Variants in TENM1 observed in about 807,000 individuals in gnomAD.
TENM1 encodes teneurin-1.
Under a neutral mutation model 174.8 loss-of-function variants are expected in TENM1, and 35 were observed. That is an observed-to-expected ratio of 0.20 (90% CI 0.15 to 0.27). TENM1 has a LOEUF of 0.27. TENM1 is among the 10% of genes least tolerant of loss of function. The pLI is 1.00. For missense variants in TENM1, 1,633 were observed against 2,130.1 expected (o/e 0.77, Z 4.59); for synonymous variants, 781 against 798.7 (o/e 0.98, Z 0.37).
At chrX:124,951,076 A>G (rs2058475288) in intron 1 of TENM1, among the ~76,000 whole-genome samples, 2 of 111,760 alleles carry the variant, frequency 1.8e-5, no homozygotes, top group South Asian at 7.4e-4. Context: ...GTACATTTTA[A>G]TCCCACAGTA....
At chrX:124,829,713 G>A (rs1327869378) in intron 3 of TENM1, among the ~76,000 whole-genome samples, 1 of 111,981 alleles carries the variant, frequency 8.9e-6, no homozygotes, top group Non-Finnish European at 1.9e-5. Context: ...TTCAAATGAA[G>A]GACAAAAGAG....
Position 124,562,364 on chromosome X carries a change from A to C in TENM1, c.2288-547T>G, listed in dbSNP as rs190289037. Among the ~76,000 whole-genome samples the C allele has an allele frequency of 2.8e-3, 313 of 112,227 alleles. 2 individuals are homozygous for C. Among genetic ancestry groups the C allele is most frequent in the Non-Finnish European group, 4.7e-3 (250 of 53,236 alleles). On this transcript the variant is annotated intron_variant, in intron 13 of 31. Coordinates refer to ENST00000422452, the Ensembl canonical transcript of TENM1. Reference sequence around the variant, plus strand: ...AATGTGCTGTAGTTGCTTTATATTTATTCAGCTTTTCTCTTCAAGATTATT... The same window carrying C: ...AATGTGCTGTAGTTGCTTTATATTTCTTCAGCTTTTCTCTTCAAGATTATT...
At position 124,620,147 on chromosome X, in the gene TENM1, T is replaced by G. The variant is rs181185709; in HGVS notation, c.2077+21644A>C. 6.2e-5 allele frequency among the ~76,000 whole-genome samples: 7 copies of G among 112,387 alleles called. No individual in the cohort carries two copies. The East Asian group carries it at 1.9e-3, about 31-fold the overall frequency. The stretch of plus-strand genomic sequence containing the variant: ...ATTTCTCTGTATATTACTTACTTCT[T>G]TTCTATTCTTTAAAGAATGGGAGAA... On this transcript the variant is annotated intron_variant, in intron 11 of 31. Transcript: ENST00000422452.
At chrX:124,527,641 T>G (rs2048004173) in intron 16 of TENM1, among the ~76,000 whole-genome samples, 1 of 107,150 alleles carries the variant, frequency 9.3e-6, no homozygotes, top group African/African-American at 3.5e-5. Context: ...AGGTATATTT[T>G]TCTTTTTTCT....
intron 10 of TENM1, among the ~76,000 whole-genome samples, chrX:124,644,769 T>C (rs1449221126): frequency 2.7e-5 from 3 of 111,602 alleles, no homozygotes; most frequent in Non-Finnish European, 5.6e-5. Flanking sequence ...GCATATATTA[T>C]TATTTTTATT....
At chrX:124,840,278 A>G (rs1350612236) in intron 3 of TENM1, among the ~76,000 whole-genome samples, 1 of 111,580 alleles carries the variant, frequency 9.0e-6, no homozygotes, top group Non-Finnish European at 1.9e-5. Flanking sequence ...CATCAACTAA[A>G]GTCTCTTGGG....
chrX:124,967,201 G>T (rs780111564), upstream of TENM1, among the ~76,000 whole-genome samples: 17 of 110,848 alleles, frequency 1.5e-4, no homozygotes, highest in South Asian at 6.7e-3. Context: ...TTCTTCTTAG[G>T]TTTCCATAAC....
intron 1 of TENM1, among the ~76,000 whole-genome samples, chrX:124,931,213 C>T (rs1445364236): frequency 1.8e-5 from 2 of 108,442 alleles, no homozygotes; most frequent in Non-Finnish European, 3.8e-5. Flanking sequence ...CAGAATCCAT[C>T]TGAAGATGCA....
At chrX:124,521,713 C>G (rs761761188) in intron 17 of TENM1, among the ~76,000 whole-genome samples, 123 of 112,228 alleles carry the variant, frequency 1.1e-3, no homozygotes, top group African/African-American at 3.8e-3. Flanking sequence ...ACATGAATAG[C>G]GTAGATATTT....
At chrX:124,774,099 T>C (rs2054724701) in intron 3 of TENM1, among the ~76,000 whole-genome samples, 1 of 112,196 alleles carries the variant, frequency 8.9e-6, no homozygotes, top group African/African-American at 3.2e-5. Flanking sequence ...AGCTCTTGTT[T>C]AGAGACTGTA....
At chrX:125,175,513 T>C in the TENM1 span, among the ~76,000 whole-genome samples, 2 of 111,933 alleles carry the variant, frequency 1.8e-5, no homozygotes, top group East Asian at 5.6e-4. Flanking sequence ...CACTTATTTC[T>C]ATCATAAAAT....
chrX:125,001,141 A>C, the TENM1 span, among the ~76,000 whole-genome samples: 1 of 110,612 alleles, frequency 9.0e-6, no homozygotes, highest in Admixed American at 9.7e-5. Context: ...ATCCATTTAC[A>C]GATAAGTTTA....
At chrX:125,134,452 C>T in the TENM1 span, among the ~76,000 whole-genome samples, 1 of 112,112 alleles carries the variant, frequency 8.9e-6, no homozygotes, top group East Asian at 2.8e-4. Flanking sequence ...AGTCTTGTAC[C>T]CTCTTACCAT....
At chrX:124,621,869 G>A (rs2050527700) in intron 11 of TENM1, among the ~76,000 whole-genome samples, 1 of 112,162 alleles carries the variant, frequency 8.9e-6, no homozygotes, top group Admixed American at 9.4e-5. Context: ...TACTAAAAAT[G>A]GAGAAATGCT....
chrX:125,157,584 T>C, the TENM1 span, among the ~76,000 whole-genome samples: 2 of 112,025 alleles, frequency 1.8e-5, no homozygotes, highest in Admixed American at 9.4e-5. Flanking sequence ...TTTCCAAGAA[T>C]GGCCGATCTC....
chrX:124,589,148 A>G (rs2049656573), intron 11 of TENM1, among the ~76,000 whole-genome samples: 1 of 105,488 alleles, frequency 9.5e-6, no homozygotes, highest in Admixed American at 1.0e-4. Context: ...AGCTTTTTCC[A>G]CATCTATTGA....
chrX:124,415,145 T>C (rs1297829987), intron 25 of TENM1, among the ~76,000 whole-genome samples: 2 of 111,927 alleles, frequency 1.8e-5, no homozygotes, highest in African/African-American at 3.3e-5. Flanking sequence ...GCCAAAGGAC[T>C]AGAGGACAAA....
chrX:125,004,209 G>A, the TENM1 span, among the ~76,000 whole-genome samples: 1 of 111,665 alleles, frequency 9.0e-6, no homozygotes, highest in Admixed American at 9.5e-5. Flanking sequence ...ACAGGTTACT[G>A]GAACCCACTC....
intron 22 of TENM1, among the ~76,000 whole-genome samples, chrX:124,469,101 C>T (rs1216253583): frequency 9.0e-6 from 1 of 111,726 alleles, no homozygotes; most frequent in Non-Finnish European, 1.9e-5. Flanking sequence ...TGCAATTTTT[C>T]CCCTTTAGTT....
Sources: allele counts gnomAD v4.1 joint callset (sites outside exome capture counted in the v4.1 genomes callset), GRCh38; gene constraint gnomAD v4.1.1; transcripts MANE v1.5; gene names NCBI Gene and HGNC (gene_info 2026-07-23, HGNC 2026-07-21).